The following LAMA4 variants were observed in gnomAD, a reference collection of about 807,000 sequenced individuals.
The protein encoded by LAMA4 is laminin subunit alpha 4, also known as laminin subunit alpha-4.
A neutral mutation model predicts 207.1 loss-of-function variants in LAMA4; 127 were observed. The observed-to-expected ratio is 0.61, with a 90% CI of 0.53 to 0.71. The LOEUF (loss-of-function observed/expected upper bound fraction) is 0.71, where lower values mean the gene tolerates loss of function less well. LAMA4 is among the 30% of genes least tolerant of loss of function. The pLI, the probability that LAMA4 is intolerant of heterozygous loss-of-function variation, is 0.00. For missense variants in LAMA4, 2,093 were observed against 2,246.5 expected, an observed-to-expected ratio of 0.93 and a Z score of 1.38; for synonymous variants, 761 against 816.0, an observed-to-expected ratio of 0.93 and a Z score of 1.15.
chr6:112,180,483 C>A (rs1157575388), intron 9 of LAMA4, among the ~76,000 whole-genome samples: 2 of 151,994 alleles, frequency 1.3e-5, no homozygotes, highest in Non-Finnish European at 2.9e-5. Flanking sequence ...GATATAGGCA[C>A]GTGGGAAAAC....
intron 2 of LAMA4, among the ~76,000 whole-genome samples, chr6:112,252,276 C>T (rs1415778859): frequency 6.6e-6 from 1 of 152,184 alleles, no homozygotes; most frequent in Non-Finnish European, 1.5e-5. Flanking sequence ...AACTTGGGAC[C>T]ATCAGACTGA....
At chr6:112,129,430 CT>C (rs1778897060) in intron 30 of LAMA4, among the ~76,000 whole-genome samples, 1 of 152,032 alleles carries the variant, frequency 6.6e-6, no homozygotes, top group African/African-American at 2.4e-5. Context: ...TGTTAAGGAC[CT>C]AGATTAATAG....
At chr6:112,168,899 G>A (rs947747984) in intron 12 of LAMA4, among the ~76,000 whole-genome samples, 1 of 152,144 alleles carries the variant, frequency 6.6e-6, no homozygotes, top group Non-Finnish European at 1.5e-5. Context: ...TGGCTTAAAG[G>A]CTAGACAGAA....
chr6:112,142,077 C>T, intron 20 of LAMA4, 42 bp downstream of exon 20: 1 of 1,608,928 alleles, frequency 6.2e-7, no homozygotes, highest in Non-Finnish European at 8.5e-7. Context: ...AAGCAGCTTT[C>T]CTTGTAAATA....
rs377370824 is a variant in LAMA4, at chr6:112,253,988, C to A, written c.163G>T (p.Val55Leu). The A allele has an allele frequency of 1.8e-5, 28 of 1,585,540 alleles. No individual in the cohort carries two copies. The African/African-American group carries it at 3.4e-4, about 19-fold the overall frequency. Reference protein sequence around the residue: ...QDPPETSEPRVALGRLPPAAE... With the variant: ...QDPPETSEPRLALGRLPPAAE... ...GCAGGCGGCAGGCGTCCCAGAGCCA[C>A]GCGGGGTTCGCTCGTCTCAGGCGGG... is the stretch of plus-strand genomic sequence containing the variant. The change falls in exon 2 of 39, where the codon GTG (valine) becomes TTG (leucine). Residue 55 changes from valine to leucine, a missense_variant. By Grantham distance (32) the Val-to-Leu change is conservative. Coordinates refer to ENST00000230538, the MANE Select transcript of LAMA4 (RefSeq NM_001105206.3).
intron 2 of LAMA4, among the ~76,000 whole-genome samples, chr6:112,229,098 A>G (rs1259205166): frequency 6.6e-6 from 1 of 152,242 alleles, no homozygotes; most frequent in Non-Finnish European, 1.5e-5. Flanking sequence ...TAATTTACCA[A>G]CTAGGATGGT....
At chr6:112,244,701 C>T in intron 2 of LAMA4, among the ~76,000 whole-genome samples, 1 of 152,186 alleles carries the variant, frequency 6.6e-6, no homozygotes, top group Non-Finnish European at 1.5e-5. Flanking sequence ...GCACCCACAC[C>T]TCCCCTCTCT....
In LAMA4 at chr6:112,206,557, A is replaced by C. The variant is rs1270876171; in HGVS notation, c.422+464T>G. 2.6e-5 allele frequency among the ~76,000 whole-genome samples: 4 copies of C among 152,204 alleles called. No homozygotes were observed. In the East Asian group the frequency reaches 5.8e-4, roughly 22 times the overall value. On this transcript the variant is annotated intron_variant, in intron 4 of 38. Transcript: ENST00000230538. ...GTTCCTGTAAATCTTCTGTGAGCTG[A>C]TTGGCCTAAAGCATGCATTCTGTTG...
chr6:112,130,298 TTTTGTGTG>T (rs1402959760), intron 29 of LAMA4: 6 of 459,258 alleles, frequency 1.3e-5, no homozygotes, highest in Middle Eastern at 5.9e-4. Flanking sequence ...TCAGCATTAT[TTTTGTGTG>T]TGTGTGTGTG....
chr6:112,211,420 C>T (rs1208695406), intron 3 of LAMA4, among the ~76,000 whole-genome samples: 1 of 152,080 alleles, frequency 6.6e-6, no homozygotes, highest in Non-Finnish European at 1.5e-5. Context: ...ATTTTAGTAA[C>T]CTATTCATTC....
intron 4 of LAMA4, 146 bp from the exon 5 acceptor site, chr6:112,201,834 C>G (rs1393782951): frequency 1.3e-6 from 1 of 772,586 alleles, no homozygotes; most frequent in Non-Finnish European, 2.2e-6. Flanking sequence ...TACACATTTA[C>G]CTTGCAGGAA....
rs782014825 is a variant in LAMA4, at chr6:112,159,180, C to A, written c.1669-300G>T. ...TTATCCACACATGTCCCTAATGTTA[C>A]TACAATACTTTTCTGCTCTCTTCAT... On this transcript the variant is annotated intron_variant, in intron 13 of 38. Coordinates refer to ENST00000230538, the MANE Select transcript of LAMA4 (RefSeq NM_001105206.3). Among the ~76,000 whole-genome samples, 4 of 152,280 alleles carry A rather than the reference C, an allele frequency of 2.6e-5. No individual in the cohort carries two copies. In the South Asian group the frequency reaches 6.2e-4, roughly 24 times the overall value.
At chr6:112,236,398 G>T (rs1785924485) in intron 2 of LAMA4, 1 of 152,206 alleles carries the variant, frequency 6.6e-6, no homozygotes, top group African/African-American at 2.4e-5. Flanking sequence ...TGGTTGTGAA[G>T]ATTAAAGGTG....
intron 35 of LAMA4, 67 bp from the exon 36 acceptor site, chr6:112,116,060 TG>T: frequency 1.4e-6 from 2 of 1,439,994 alleles, no homozygotes; most frequent in Non-Finnish European, 1.9e-6. Flanking sequence ...GGTGTGATTT[TG>T]TAATTATATA....
rs781879242 is a variant in LAMA4, at chr6:112,122,153, G to T, written c.4336C>A (p.Leu1446Ile). ...APSWDPVALK[L>I]PERNTPRNSH... ...TTTCTTGGAGTATTCCGCTCTGGGA[G>T]TTTCAGAGCAACAGGATCCCATGAA... is the stretch of plus-strand genomic sequence containing the variant. The change falls in exon 32 of 39, where the codon CTC becomes ATC. Residue 1446 changes from leucine to isoleucine, a missense_variant. Coordinates refer to ENST00000230538, the MANE Select transcript of LAMA4 (RefSeq NM_001105206.3). 6.2e-7 allele frequency: 1 copy of T among 1,613,818 alleles called. No homozygotes were observed. The highest frequency in any genetic ancestry group is 8.5e-7 in the Non-Finnish European group (1 of 1,179,786).
At chr6:112,237,768 C>T (rs1201405614) in intron 2 of LAMA4, among the ~76,000 whole-genome samples, 1 of 152,184 alleles carries the variant, frequency 6.6e-6, no homozygotes, top group Non-Finnish European at 1.5e-5. Context: ...TGGCGATGAT[C>T]CCAGCATCTG....
intron 2 of LAMA4, among the ~76,000 whole-genome samples, chr6:112,227,361 GC>G (rs1554362877): frequency 6.6e-6 from 1 of 152,070 alleles, no homozygotes; most frequent in Non-Finnish European, 1.5e-5. Flanking sequence ...GAACCACCGT[GC>G]CCCGCCTGAC....
At chr6:112,221,907 A>G (rs1784945988) in intron 2 of LAMA4, among the ~76,000 whole-genome samples, 1 of 152,194 alleles carries the variant, frequency 6.6e-6, no homozygotes, top group Non-Finnish European at 1.5e-5. Context: ...GAACATATGA[A>G]TATATTAAAT....
intron 2 of LAMA4, chr6:112,251,533 C>T (rs1207365551): frequency 6.6e-6 from 1 of 152,258 alleles, no homozygotes; most frequent in Non-Finnish European, 1.5e-5. Flanking sequence ...TTCCCATCCA[C>T]ACATTGAACC....
Sources: allele counts gnomAD v4.1 joint callset (sites outside exome capture counted in the v4.1 genomes callset), GRCh38; gene constraint gnomAD v4.1.1; transcripts MANE v1.5; gene names NCBI Gene and HGNC (gene_info 2026-07-23, HGNC 2026-07-21).